The following AQR variants were observed in gnomAD, a reference collection of about 807,000 sequenced individuals.
AQR encodes the protein aquarius intron-binding spliceosomal factor.
In AQR, 61 loss-of-function variants were observed where a neutral mutation model predicts 180.5. That is an observed-to-expected ratio of 0.34 (90% CI 0.28 to 0.42). The LOEUF (loss-of-function observed/expected upper bound fraction) is 0.42. AQR is among the 10% of genes least tolerant of loss of function. The pLI, the probability that AQR is intolerant of heterozygous loss-of-function variation, is 1.00. For synonymous variants in AQR, 551 were observed against 588.8 expected, an observed-to-expected ratio of 0.94 and a Z score of 0.93; for missense variants, 1,281 against 1,798.3, an observed-to-expected ratio of 0.71 and a Z score of 5.20.
At chr15:34,948,671 A>T (rs1245583697) in intron 4 of AQR, among the ~76,000 whole-genome samples, 4 of 151,768 alleles carry the variant, frequency 2.6e-5, no homozygotes, top group Admixed American at 2.0e-4. Context: ...ATGGTGGCAC[A>T]CGCCTGTAAT....
chr15:34,890,117 A>T, intron 24 of AQR, 98 bp downstream of exon 24: 1 of 1,029,264 alleles, frequency 9.7e-7, no homozygotes, highest in Non-Finnish European at 1.4e-6. Context: ...TTTCAGAATT[A>T]AGTTTCAGTA....
chr15:34,964,352 A>G, intron 1 of AQR, 62 bp from the exon 2 acceptor site: 1 of 1,333,680 alleles, frequency 7.5e-7, no homozygotes, highest in Non-Finnish European at 1.1e-6. Context: ...GCTGGAAGAC[A>G]GATCATTTAG....
At chr15:34,928,090 C>T (rs1163771565) in intron 12 of AQR, among the ~76,000 whole-genome samples, 1 of 152,134 alleles carries the variant, frequency 6.6e-6, no homozygotes, top group Non-Finnish European at 1.5e-5. Flanking sequence ...AACACTAATG[C>T]TCTGAAAAAA....
At chr15:34,936,856 T>TA (rs1322492692) in intron 9 of AQR, among the ~76,000 whole-genome samples, 2 of 152,146 alleles carry the variant, frequency 1.3e-5, no homozygotes, top group African/African-American at 4.8e-5. Flanking sequence ...ATTCCATAGT[T>TA]AGAGATATCA....
intron 3 of AQR, 95 bp from the exon 4 acceptor site, chr15:34,953,015 T>C: frequency 1.5e-6 from 1 of 687,860 alleles, no homozygotes. Flanking sequence ...TTTGTTTCCA[T>C]ATTAACCCAT....
At chr15:34,932,267 A>T (rs1320894483) in intron 11 of AQR, 51 bp downstream of exon 11, 1 of 1,482,170 alleles carries the variant, frequency 6.7e-7, no homozygotes, top group Non-Finnish European at 9.4e-7. Context: ...CAAAGAAAAG[A>T]TCAATTTAGA....
intron 17 of AQR, 73 bp downstream of exon 17, chr15:34,910,062 A>G: frequency 6.6e-7 from 1 of 1,508,520 alleles, no homozygotes; most frequent in Non-Finnish European, 9.2e-7. Flanking sequence ...TAGTAAAAGT[A>G]CTTTGTTAAT....
At chr15:34,932,642 T>C (rs1432104446) in intron 10 of AQR, among the ~76,000 whole-genome samples, 1 of 152,134 alleles carries the variant, frequency 6.6e-6, no homozygotes, top group East Asian at 1.9e-4. Flanking sequence ...ACAATAATGA[T>C]GATAAAAGAA....
At chr15:34,921,190 T>C (rs1893678917) in intron 13 of AQR, among the ~76,000 whole-genome samples, 1 of 152,010 alleles carries the variant, frequency 6.6e-6, no homozygotes, top group South Asian at 2.1e-4. Context: ...GTAATCCCAG[T>C]ACTTTGAGGC....
chr15:34,958,039 T>C (rs773593655), intron 3 of AQR, among the ~76,000 whole-genome samples: 85 of 151,252 alleles, frequency 5.6e-4, no homozygotes, highest in African/African-American at 2.0e-3. Flanking sequence ...AAACCCTGTC[T>C]CTACTAAAAA....
At chr15:34,881,539 CA>C (rs1267962123) in intron 27 of AQR, among the ~76,000 whole-genome samples, 1 of 152,192 alleles carries the variant, frequency 6.6e-6, no homozygotes, top group Non-Finnish European at 1.5e-5. Context: ...AGCAAAGTCA[CA>C]AAAAATTTGC....
At chr15:34,862,416 C>A (rs1892681922) in intron 33 of AQR, among the ~76,000 whole-genome samples, 2 of 152,096 alleles carry the variant, frequency 1.3e-5, no homozygotes, top group Admixed American at 6.5e-5. Flanking sequence ...CTAAGTTTCT[C>A]CATTTGTAAA....
At chr15:34,964,805 TA>T (rs2050301280) in intron 1 of AQR, among the ~76,000 whole-genome samples, 1 of 151,204 alleles carries the variant, frequency 6.6e-6, no homozygotes, top group Admixed American at 6.6e-5. Flanking sequence ...TTACAGAGAA[TA>T]TAAGAGCTGG....
chr15:34,919,042 T>C (rs1318223088), intron 14 of AQR, among the ~76,000 whole-genome samples: 1 of 152,034 alleles, frequency 6.6e-6, no homozygotes, highest in East Asian at 1.9e-4. Flanking sequence ...AGTTCAAGAC[T>C]AGCCTGACCA....
intron 33 of AQR, among the ~76,000 whole-genome samples, chr15:34,861,939 C>A (rs546430847): frequency 2.6e-5 from 4 of 151,430 alleles, no homozygotes; most frequent in African/African-American, 9.8e-5. Context: ...CCAATGGACC[C>A]CCCTAGGACA....
intron 12 of AQR, among the ~76,000 whole-genome samples, chr15:34,929,797 C>T (rs1008183333): frequency 2.0e-5 from 3 of 152,158 alleles, no homozygotes; most frequent in African/African-American, 7.2e-5. Flanking sequence ...CTTCCTTCTG[C>T]CATCAGAGAA....
intron 13 of AQR, among the ~76,000 whole-genome samples, chr15:34,925,762 G>A (rs1392204033): frequency 6.6e-6 from 1 of 152,042 alleles, no homozygotes; most frequent in Non-Finnish European, 1.5e-5. Flanking sequence ...GAACCCAGGA[G>A]GCAGAGGTTG....
rs570494698 is a variant in AQR, at chr15:34,892,401, T to C, written c.2571+1262A>G. ...TGCTCCCAGTAAGGGTTAATGCTTATAATCTCCAAGTAAAAGTTCTAGTTT... is the reference window on the plus strand; with the variant it reads ...TGCTCCCAGTAAGGGTTAATGCTTACAATCTCCAAGTAAAAGTTCTAGTTT... On this transcript the variant is annotated intron_variant, in intron 23 of 34. Coordinates refer to ENST00000156471, the MANE Select transcript of AQR (RefSeq NM_014691.3). Among the ~76,000 whole-genome samples the C allele has an allele frequency of 5.3e-5, 8 of 152,330 alleles. No individual in the cohort carries two copies. The East Asian group carries it at 1.3e-3, about 26-fold the overall frequency.
rs138836421 is a variant in AQR, at chr15:34,859,772, C to T, written c.4143+270G>A. Among the ~76,000 whole-genome samples, 68 of 152,276 alleles carry T rather than the reference C, an allele frequency of 4.5e-4. 6 individuals are homozygous for T. The highest frequency in any genetic ancestry group is 1.0e-3 in the African/African-American group (42 of 41,568). ...GAAAACTCTTGGGATAATGGATATG[C>T]TCTTTATCTTGACTGTGCTGATGGC... On this transcript the variant is annotated intron_variant, in intron 34 of 34. Coordinates refer to ENST00000156471, the MANE Select transcript of AQR (RefSeq NM_014691.3).
Sources: allele counts gnomAD v4.1 joint callset (sites outside exome capture counted in the v4.1 genomes callset), GRCh38; gene constraint gnomAD v4.1.1; transcripts MANE v1.5; gene names NCBI Gene and HGNC (gene_info 2026-07-23, HGNC 2026-07-21).